Variants in CARMIL1 observed in about 807,000 individuals in gnomAD.
CARMIL1 encodes the protein F-actin-uncapping protein LRRC16A.
In CARMIL1, 90 loss-of-function variants were observed where a neutral mutation model predicts 177.1. The ratio of observed to expected loss-of-function variants is 0.51; its 90% CI spans 0.43 to 0.61. The LOEUF (loss-of-function observed/expected upper bound fraction) is 0.61, where lower values mean the gene tolerates loss of function less well. Among genes scored for constraint, CARMIL1 ranks in the 20% least tolerant of loss-of-function variants. The pLI is 0.00. For missense variants in CARMIL1, 1,380 were observed against 1,667.0 expected (o/e 0.83, Z 3.00); for synonymous variants, 577 against 606.2 (o/e 0.95, Z 0.71).
At chr6:25,355,713 C>G (rs1295226883) in intron 2 of CARMIL1, among the ~76,000 whole-genome samples, 1 of 152,162 alleles carries the variant, frequency 6.6e-6, no homozygotes, top group Non-Finnish European at 1.5e-5. Flanking sequence ...AAAGAAACCT[C>G]TCAGAATAAA....
chr6:25,482,939 A>C (rs1235556313), intron 12 of CARMIL1, among the ~76,000 whole-genome samples: 1 of 152,168 alleles, frequency 6.6e-6, no homozygotes, highest in African/African-American at 2.4e-5. Flanking sequence ...GTGTATCTTC[A>C]CATTTTGCCC....
chr6:25,619,343 T>A, intron 36 of CARMIL1, 104 bp from the exon 37 acceptor site: 1 of 1,159,102 alleles, frequency 8.6e-7, no homozygotes, highest in Non-Finnish European at 1.2e-6. Context: ...CCTGGCCCCC[T>A]CCCCTCCCCC....
intron 2 of CARMIL1, among the ~76,000 whole-genome samples, chr6:25,368,484 G>A (rs76619442): frequency 0.081 from 12,349 of 152,210 alleles, 509 homozygotes; most frequent in East Asian, 0.15. Flanking sequence ...AACACCTCCT[G>A]ATAAGCACCA....
intron 23 of CARMIL1, among the ~76,000 whole-genome samples, chr6:25,526,259 C>T (rs913457380): frequency 1.8e-4 from 27 of 151,946 alleles, no homozygotes; most frequent in Middle Eastern, 3.4e-3. Context: ...GGGAGAATGG[C>T]GTGAACCCGG....
intron 2 of CARMIL1, among the ~76,000 whole-genome samples, chr6:25,378,449 G>A (rs373110350): frequency 6.6e-6 from 1 of 152,320 alleles, no homozygotes; most frequent in South Asian, 2.1e-4. Context: ...CACTCATATC[G>A]TGAATCTCAG....
At chr6:25,501,695 C>T (rs557375764) in intron 17 of CARMIL1, among the ~76,000 whole-genome samples, 12 of 152,252 alleles carry the variant, frequency 7.9e-5, no homozygotes, top group Admixed American at 7.8e-4. Context: ...ATTAAATTAA[C>T]TCCTGTATGC....
chr6:25,362,119 A>G (rs970042243), intron 2 of CARMIL1, among the ~76,000 whole-genome samples: 1 of 152,206 alleles, frequency 6.6e-6, no homozygotes, highest in East Asian at 1.9e-4. Flanking sequence ...CAGCTTGTTA[A>G]CTGCTGTTCC....
At chr6:25,403,738 A>G (rs1361986273) in intron 2 of CARMIL1, among the ~76,000 whole-genome samples, 1 of 152,136 alleles carries the variant, frequency 6.6e-6, no homozygotes, top group African/African-American at 2.4e-5. Flanking sequence ...CTATTTAAAA[A>G]TGCCACCCAC....
chr6:25,438,653 T>G (rs1797446174), intron 5 of CARMIL1, among the ~76,000 whole-genome samples: 1 of 152,132 alleles, frequency 6.6e-6, no homozygotes, highest in African/African-American at 2.4e-5. Flanking sequence ...GATATCCACT[T>G]TGGCTGGGGT....
intron 25 of CARMIL1, among the ~76,000 whole-genome samples, chr6:25,538,515 T>A (rs1044939524): frequency 8.5e-5 from 13 of 152,144 alleles, no homozygotes; most frequent in Admixed American, 3.9e-4. Context: ...GATGTATATT[T>A]GGTCTTTGTT....
chr6:25,488,456 G>C, intron 12 of CARMIL1, 26 bp from the exon 13 acceptor site: 1 of 1,575,676 alleles, frequency 6.3e-7, no homozygotes, highest in Non-Finnish European at 8.7e-7. Flanking sequence ...AGTGCAAACT[G>C]AGCCTGGATT....
At chr6:25,576,708 G>A (rs1812620458) in intron 29 of CARMIL1, among the ~76,000 whole-genome samples, 1 of 152,186 alleles carries the variant, frequency 6.6e-6, no homozygotes, top group Non-Finnish European at 1.5e-5. Context: ...CCTAGCAAGA[G>A]ACATAATATC....
At chr6:25,451,990 CCCCCT>C (rs1221423204) in intron 8 of CARMIL1, 2,432 of 60,932 alleles carry the variant, frequency 0.04, 158 homozygotes, top group African/African-American at 0.076. Context: ...CATCTTGCCC[CCCCCT>C]CCCCCCCCCA....
chr6:25,329,649 G>A (rs1404451254), intron 2 of CARMIL1, among the ~76,000 whole-genome samples: 1 of 152,082 alleles, frequency 6.6e-6, no homozygotes, highest in East Asian at 1.9e-4. Context: ...AATGCATCAG[G>A]GATCTTTTGG....
chr6:25,417,857 A>G (rs1459556346), intron 2 of CARMIL1, among the ~76,000 whole-genome samples: 2 of 152,180 alleles, frequency 1.3e-5, no homozygotes, highest in Non-Finnish European at 2.9e-5. Flanking sequence ...ATGACATCAA[A>G]TATAGTTGTT....
intron 23 of CARMIL1, among the ~76,000 whole-genome samples, chr6:25,521,126 G>A (rs1020670117): frequency 1.3e-5 from 2 of 152,018 alleles, no homozygotes; most frequent in African/African-American, 2.4e-5. Flanking sequence ...TAATGTTACT[G>A]GTTTGCAAAC....
chr6:25,376,817 A>T (rs1167603853), intron 2 of CARMIL1, among the ~76,000 whole-genome samples: 1 of 152,208 alleles, frequency 6.6e-6, no homozygotes, highest in African/African-American at 2.4e-5. Context: ...GGTAAATGCA[A>T]TACTCAGTGG....
chr6:25,606,140 A>C lies in CARMIL1; in HGVS notation c.3714A>C (p.Lys1238Asn). The change falls in exon 35 of 37, where the codon AAA becomes AAC. Residue 1238 changes from lysine (K) to asparagine (N), a missense_variant. Physicochemically the swap from Lys to Asn is moderately conservative, Grantham distance 94 (BLOSUM62 0). Transcript: ENST00000329474. ...TPEKNTKAEP[K>N]AEAGSRSRSS... ...AAAAGAATACCAAAGCAGAACCCAA[A>C]GCGGAAGCAGGCTCCAGGTCTCGGA... is the stretch of plus-strand genomic sequence containing the variant. 1 of 1,613,978 alleles carries C rather than the reference A, an allele frequency of 6.2e-7. No homozygotes were observed.
intron 2 of CARMIL1, among the ~76,000 whole-genome samples, chr6:25,343,815 C>T (rs1562011141): frequency 1.3e-5 from 2 of 152,098 alleles, no homozygotes; most frequent in Non-Finnish European, 2.9e-5. Context: ...TACTGCCCCT[C>T]CTTCAGCTGT....
Sources: gnomAD v4.1 joint callset for allele counts (sites outside exome capture counted in the v4.1 genomes callset) on GRCh38, gnomAD v4.1.1 for gene constraint, MANE v1.5 for transcripts, NCBI Gene and HGNC (gene_info 2026-07-23, HGNC 2026-07-21) for gene names.